Variants in OLAH observed in about 807,000 individuals in gnomAD.
The protein encoded by OLAH is oleoyl-ACP hydrolase.
A neutral mutation model predicts 27.8 loss-of-function variants in OLAH; 33 were observed. That is an observed-to-expected ratio of 1.19 (90% CI 0.90 to 1.59). The LOEUF (loss-of-function observed/expected upper bound fraction) is 1.59. OLAH is among the 40% of genes most tolerant of loss of function. The pLI, the probability that OLAH is intolerant of heterozygous loss-of-function variation, is 0.00. For missense variants in OLAH, 359 were observed against 310.8 expected (o/e 1.16, Z -1.17); for synonymous variants, 120 against 102.9 (o/e 1.17, Z -1.01).
chr10:15,064,081 A>G (rs2131371495), intron 4 of OLAH, among the ~76,000 whole-genome samples: 1 of 152,308 alleles, frequency 6.6e-6, no homozygotes, highest in East Asian at 1.9e-4. Flanking sequence ...GGGTCCCTAA[A>G]CCGTATTTTG....
intron 3 of OLAH, among the ~76,000 whole-genome samples, chr10:15,058,533 A>G (rs1456914046): frequency 6.6e-6 from 1 of 152,032 alleles, no homozygotes; most frequent in Non-Finnish European, 1.5e-5. Context: ...ACACTTTTCT[A>G]CTTATCAATT....
rs1188264962 is a variant in OLAH at position 15,063,247 on chromosome 10, C to T, written c.303-1156C>T. Among the ~76,000 whole-genome samples the T allele has an allele frequency of 2.6e-5, 4 of 152,144 alleles. No individual in the cohort carries two copies. The East Asian group carries it at 7.7e-4, about 29-fold the overall frequency. On this transcript the variant is annotated intron_variant, in intron 4 of 7. Transcript: ENST00000378228. ...GCTCAAGTGATTCTTCCACCTCAGC[C>T]TCCCAAGTAGCTGACTACAGGAGCA... is the stretch of plus-strand genomic sequence containing the variant.
chr10:15,046,843 G>C (rs1379224094), intron 1 of OLAH, among the ~76,000 whole-genome samples: 1 of 152,168 alleles, frequency 6.6e-6, no homozygotes, highest in Non-Finnish European at 1.5e-5. Context: ...AGTATGTATG[G>C]AATGTTTTCT....
intron 1 of OLAH, among the ~76,000 whole-genome samples, chr10:15,035,937 G>C (rs915791650): frequency 2.6e-5 from 4 of 152,158 alleles, no homozygotes; most frequent in African/African-American, 9.6e-5. Flanking sequence ...TCGCGAGGCA[G>C]CTGAAGAAAC....
At chr10:15,038,421 A>T (rs537385007) in intron 1 of OLAH, among the ~76,000 whole-genome samples, 28 of 152,262 alleles carry the variant, frequency 1.8e-4, no homozygotes, top group African/African-American at 6.0e-4. Context: ...CTGTATCCCC[A>T]CCGAAATTTC....
intron 6 of OLAH, chr10:15,071,449 C>G: frequency 3.4e-6 from 3 of 894,398 alleles, no homozygotes; most frequent in Non-Finnish European, 4.0e-6. Context: ...GAGCAACCCT[C>G]TGCTGGGCCA....
At chr10:15,053,019 G>A (rs1213202278) in intron 3 of OLAH, among the ~76,000 whole-genome samples, 1 of 152,124 alleles carries the variant, frequency 6.6e-6, no homozygotes. Flanking sequence ...GGGATTACAG[G>A]TGTGAGCCAC....
At chr10:15,059,733 A>G (rs1182628715) in intron 3 of OLAH, among the ~76,000 whole-genome samples, 1 of 152,130 alleles carries the variant, frequency 6.6e-6, no homozygotes, top group African/African-American at 2.4e-5. Flanking sequence ...TTGAATCTGG[A>G]AGGCAGAGGT....
At chr10:15,062,055 G>C (rs1844378519) in intron 4 of OLAH, 193 bp downstream of exon 4, 1 of 472,742 alleles carries the variant, frequency 2.1e-6, no homozygotes, top group African/African-American at 2.0e-5. Context: ...TTTCCTTTTA[G>C]GCAAATAAAG....
At chr10:15,058,478 T>G (rs921983070) in intron 3 of OLAH, among the ~76,000 whole-genome samples, 1 of 152,146 alleles carries the variant, frequency 6.6e-6, no homozygotes, top group African/African-American at 2.4e-5. Flanking sequence ...CTTATAAGAG[T>G]GTTATTCCAT....
In OLAH at chr10:15,045,990, C is replaced by T. The variant is rs377137101; in HGVS notation, c.-163-1136C>T. Among the ~76,000 whole-genome samples the T allele has an allele frequency of 9.2e-5, 14 of 152,052 alleles. 1 individual carries two copies. The highest frequency in any genetic ancestry group is 3.1e-4 in the African/African-American group (13 of 41,412). Reference sequence around the variant, plus strand: ...AGGTTGCAGTGAGCCAAGGTCGTGCCACCACACTCCAGCCTGGGCGATAGA... The same window carrying T: ...AGGTTGCAGTGAGCCAAGGTCGTGCTACCACACTCCAGCCTGGGCGATAGA... On this transcript the variant is annotated intron_variant, in intron 1 of 7. Transcript: ENST00000378228.
chr10:15,044,800 C>G (rs1843984123), intron 1 of OLAH, among the ~76,000 whole-genome samples: 1 of 152,078 alleles, frequency 6.6e-6, no homozygotes, highest in Non-Finnish European at 1.5e-5. Flanking sequence ...TGAGTCCATC[C>G]CCACCTCTCC....
chr10:15,066,987 T>C lies in OLAH; in HGVS notation c.572+1234T>C, dbSNP rs142191788. Among the ~76,000 whole-genome samples, 814 of 152,332 alleles carry C rather than the reference T, an allele frequency of 5.3e-3. 34 individuals are homozygous for C. The highest frequency in any genetic ancestry group is 0.048 in the Admixed American group (735 of 15,294). ...CTGCACAGCACTGTGACTACACATGTGTATTTCAAAATTGCTAAGAAAGTA... is the reference window on the plus strand; with the variant it reads ...CTGCACAGCACTGTGACTACACATGCGTATTTCAAAATTGCTAAGAAAGTA... On this transcript the variant is annotated intron_variant, in intron 6 of 7. Coordinates refer to ENST00000378228, the MANE Select transcript of OLAH (RefSeq NM_001039702.3).
chr10:15,066,727 G>A (rs12571097), intron 6 of OLAH, among the ~76,000 whole-genome samples: 8,247 of 151,802 alleles, frequency 0.054, 392 homozygotes, highest in South Asian at 0.23. Context: ...TGCAACCTCC[G>A]TCTTCCAGGT....
chr10:15,037,066 G>C (rs955620560), intron 1 of OLAH, among the ~76,000 whole-genome samples: 1 of 151,910 alleles, frequency 6.6e-6, no homozygotes, highest in Non-Finnish European at 1.5e-5. Flanking sequence ...GAGACAGAGC[G>C]AGACTGTGTC....
upstream of OLAH, among the ~76,000 whole-genome samples, chr10:15,040,433 T>C (rs1182568191): frequency 6.6e-6 from 1 of 152,186 alleles, no homozygotes; most frequent in Non-Finnish European, 1.5e-5. Flanking sequence ...GCTCCCACTA[T>C]TGACCATTCC....
intron 3 of OLAH, among the ~76,000 whole-genome samples, chr10:15,053,711 C>T (rs1358115792): frequency 6.6e-6 from 1 of 151,842 alleles, no homozygotes; most frequent in Non-Finnish European, 1.5e-5. Context: ...TGTTTCTGTT[C>T]TAAGCTTTTT....
At chr10:15,035,085 G>A (rs556042310) in intron 1 of OLAH, among the ~76,000 whole-genome samples, 5 of 152,144 alleles carry the variant, frequency 3.3e-5, no homozygotes, top group Admixed American at 3.3e-4. Flanking sequence ...CAGGCGCTGA[G>A]AGTTAAAAGG....
chr10:15,068,999 G>T (rs1017431242), intron 6 of OLAH, among the ~76,000 whole-genome samples: 4 of 152,118 alleles, frequency 2.6e-5, no homozygotes, highest in Non-Finnish European at 5.9e-5. Context: ...AATGTTCCCT[G>T]TGACTCATAG....
Sources: allele counts gnomAD v4.1 joint callset (sites outside exome capture counted in the v4.1 genomes callset), GRCh38; gene constraint gnomAD v4.1.1; transcripts MANE v1.5; gene names NCBI Gene and HGNC (gene_info 2026-07-23, HGNC 2026-07-21).